The following LIPN variants were observed in gnomAD, a reference collection of about 807,000 sequenced individuals.
LIPN encodes the protein lipase member N.
Under a neutral mutation model 43.7 loss-of-function variants are expected in LIPN, and 32 were observed. The observed-to-expected ratio is 0.73, with a 90% CI of 0.55 to 0.98. The LOEUF (loss-of-function observed/expected upper bound fraction) is 0.98. Among genes scored for constraint, LIPN ranks in the 50% least tolerant of loss-of-function variants. The pLI is 0.00. For missense variants in LIPN, 505 were observed against 483.8 expected (o/e 1.04, Z -0.41); for synonymous variants, 156 against 157.6 (o/e 0.99, Z 0.08).
intron 6 of LIPN, among the ~76,000 whole-genome samples, chr10:88,769,809 A>T (rs17112704): frequency 0.062 from 9,348 of 151,972 alleles, 600 homozygotes; most frequent in East Asian, 0.26. Flanking sequence ...CTATGGTCTG[A>T]TAATAGTTTT....
intron 3 of LIPN, among the ~76,000 whole-genome samples, chr10:88,763,500 C>T (rs1299665815): frequency 1.3e-5 from 2 of 152,036 alleles, no homozygotes; most frequent in African/African-American, 2.4e-5. Flanking sequence ...ATCAGTTAAA[C>T]TTCTCATCAA....
chr10:88,765,983 G>A (rs1843088977), intron 4 of LIPN, among the ~76,000 whole-genome samples: 4 of 151,904 alleles, frequency 2.6e-5, no homozygotes, highest in Admixed American at 2.6e-4. Context: ...GGGAAAGGGA[G>A]GGCAAAGAAA....
Position 88,778,278 on chromosome 10 carries a change from C to T in LIPN, c.*36C>T. 2.7e-6 allele frequency: 4 copies of T among 1,508,638 alleles called. No homozygotes were observed. The highest frequency in any genetic ancestry group is 3.6e-6 in the Non-Finnish European group (4 of 1,105,724). 93.5% of individuals were successfully genotyped at this position (1,508,638 alleles called of 1,614,324 possible). A position where few individuals can be genotyped will look rare whatever the true frequency, so the allele number is the denominator to read the frequency against. On this transcript the variant is annotated 3_prime_UTR_variant, in exon 10 of 10. Transcript: ENST00000404459. ...TTTACTTTTCAATTAAAAGTTGCTTCCAAGCCCATAAGGGACTTTAGAAAA... is the reference window on the plus strand; with the variant it reads ...TTTACTTTTCAATTAAAAGTTGCTTTCAAGCCCATAAGGGACTTTAGAAAA...
At chr10:88,771,084 A>C in intron 7 of LIPN, 93 bp downstream of exon 7, 2 of 1,104,176 alleles carry the variant, frequency 1.8e-6, no homozygotes, top group Non-Finnish European at 2.6e-6. Flanking sequence ...GTATAAATTC[A>C]TATGGTATTC....
In LIPN at chr10:88,766,395, C is replaced by A. The variant is rs1356557672; in HGVS notation, c.535+17C>A. Reference sequence around the variant, plus strand: ...CTACAATAGGTATGTTTATGAGGGTCACTGTTAGGTGTGTTTTTGAGGGTC... The same window carrying A: ...CTACAATAGGTATGTTTATGAGGGTAACTGTTAGGTGTGTTTTTGAGGGTC... On this transcript the variant is annotated intron_variant, in intron 5 of 9. Coordinates refer to ENST00000404459, the MANE Select transcript of LIPN (RefSeq NM_001102469.2). 2 of 1,427,040 alleles carry A rather than the reference C, an allele frequency of 1.4e-6. No individual in the cohort carries two copies. Among genetic ancestry groups the A allele is most frequent in the South Asian group, 1.1e-5 (1 of 87,278 alleles). 88.4% of individuals were successfully genotyped at this position (1,427,040 alleles called of 1,614,324 possible). A position where few individuals can be genotyped will look rare whatever the true frequency, so the allele number is the denominator to read the frequency against.
chr10:88,772,364 T>C (rs1242095435), intron 7 of LIPN, among the ~76,000 whole-genome samples: 3 of 151,870 alleles, frequency 2.0e-5, no homozygotes, highest in East Asian at 1.9e-4. Context: ...GTAATGTTTG[T>C]TTTTTAGTAG....
intron 7 of LIPN, among the ~76,000 whole-genome samples, chr10:88,773,883 T>C (rs1466379799): frequency 2.6e-5 from 4 of 152,042 alleles, no homozygotes; most frequent in Admixed American, 2.6e-4. Flanking sequence ...TTCATCTCTA[T>C]AACGTTTACA....
chr10:88,775,052 T>C (rs1414624142), intron 8 of LIPN, 40 bp from the exon 9 acceptor site: 4 of 1,367,242 alleles, frequency 2.9e-6, no homozygotes, highest in Non-Finnish European at 4.1e-6. Flanking sequence ...TTCATGATTC[T>C]TACCCTAACT....
chr10:88,769,337 C>A (rs1056361182), intron 6 of LIPN, among the ~76,000 whole-genome samples: 1 of 151,800 alleles, frequency 6.6e-6, no homozygotes, highest in Non-Finnish European at 1.5e-5. Context: ...ATTAGAAAAA[C>A]CTGATTAATA....
At chr10:88,776,359 A>G (rs1047878808) in intron 9 of LIPN, among the ~76,000 whole-genome samples, 3 of 152,252 alleles carry the variant, frequency 2.0e-5, no homozygotes, top group East Asian at 1.9e-4. Context: ...TTGAATAAAC[A>G]TGCTATATTT....
At chr10:88,765,569 G>A (rs538428601) in intron 4 of LIPN, among the ~76,000 whole-genome samples, 7 of 151,922 alleles carry the variant, frequency 4.6e-5, no homozygotes, top group Admixed American at 2.6e-4. Flanking sequence ...TGGAATACTT[G>A]ATTTGACTAA....
At chr10:88,773,450 T>G (rs879286489) in intron 7 of LIPN, among the ~76,000 whole-genome samples, 4 of 151,958 alleles carry the variant, frequency 2.6e-5, no homozygotes, top group Non-Finnish European at 5.9e-5. Context: ...CATGTGTTCC[T>G]TTCTTTGTGG....
rs1444448398 is a variant in LIPN, at chr10:88,762,268, C to A, written c.189C>A (p.Asn63Lys). Residue 63 changes from asparagine to lysine, a missense_variant, in exon 3 of 10, where the codon AAC becomes AAA. Physicochemically the swap from Asn to Lys is moderately conservative, Grantham distance 94 (BLOSUM62 0). Transcript: ENST00000404459. ...TTEDGYILLV[N>K]RIPYGRTHAR... ...AAGATGGGTATATACTCCTTGTCAA[C>A]AGAATTCCTTATGGGCGAACACATG... 2 of 1,608,754 alleles carry A rather than the reference C, an allele frequency of 1.2e-6. No individual in the cohort carries two copies. Among genetic ancestry groups the A allele is most frequent in the East Asian group, 4.5e-5 (2 of 44,550 alleles).
rs2133035907 is a variant in LIPN at position 88,778,287 on chromosome 10, T to A, written c.*45T>A. The A allele has an allele frequency of 1.4e-6, 2 of 1,432,456 alleles. No individual in the cohort carries two copies. Among genetic ancestry groups the A allele is most frequent in the East Asian group, 4.9e-5 (2 of 40,688 alleles). 88.7% of individuals were successfully genotyped at this position (1,432,456 alleles called of 1,614,324 possible). ...CAATTAAAAGTTGCTTCCAAGCCCA[T>A]AAGGGACTTTAGAAAAAATAGTAAC... On this transcript the variant is annotated 3_prime_UTR_variant, in exon 10 of 10. Coordinates refer to ENST00000404459, the MANE Select transcript of LIPN (RefSeq NM_001102469.2).
At chr10:88,774,434 G>A (rs1484457020) in intron 7 of LIPN, 39 bp from the exon 8 acceptor site, 2 of 1,458,050 alleles carry the variant, frequency 1.4e-6, no homozygotes, top group Non-Finnish European at 1.9e-6. Flanking sequence ...GCAAAATTTT[G>A]TTGGGCAATT....
rs981221050 is a variant in LIPN, at chr10:88,761,463, G to A, written c.58G>A (p.Gly20Arg). 1.2e-6 allele frequency: 2 copies of A among 1,612,182 alleles called. No individual in the cohort carries two copies. Among genetic ancestry groups the A allele is most frequent in the African/African-American group, 2.7e-5 (2 of 74,770 alleles). Reference sequence around the variant, plus strand: ...GATCTGTGGAACTTTAAATGCTGGTGGATTCCTTGATTTGGAAAATGAAGT... The same window carrying A: ...GATCTGTGGAACTTTAAATGCTGGTAGATTCCTTGATTTGGAAAATGAAGT... ...CLICGTLNAGGFLDLENEVNP... is the reference protein window; with the variant it reads ...CLICGTLNAGRFLDLENEVNP... Residue 20 changes from glycine to arginine, a missense_variant, in exon 2 of 10, where the codon GGA becomes AGA. Gly to Arg is a moderately radical substitution (Grantham distance 125, BLOSUM62 -2). Coordinates refer to ENST00000404459, the MANE Select transcript of LIPN (RefSeq NM_001102469.2).
chr10:88,759,153 G>T (rs1842962576), upstream of LIPN, among the ~76,000 whole-genome samples: 1 of 152,060 alleles, frequency 6.6e-6, no homozygotes, highest in Non-Finnish European at 1.5e-5. Flanking sequence ...TGTTTAATTG[G>T]CATGAAATTT....
chr10:88,774,889 G>C (rs1056378183), intron 8 of LIPN, among the ~76,000 whole-genome samples: 2 of 151,804 alleles, frequency 1.3e-5, no homozygotes, highest in African/African-American at 4.8e-5. Context: ...GGTTTTCCAT[G>C]AACTTTTCCT....
At position 88,776,753 on chromosome 10, in the gene LIPN, T is replaced by C. The variant is rs142260056; in HGVS notation, c.964-1256T>C. ...CATGACAATTACTGGGCTCCCAGTA[T>C]CTATGTGTTGCATTAATGAAATTTC... On this transcript the variant is annotated intron_variant, in intron 9 of 9. Coordinates refer to ENST00000404459, the MANE Select transcript of LIPN (RefSeq NM_001102469.2). Among the ~76,000 whole-genome samples, 408 of 152,246 alleles carry C rather than the reference T, an allele frequency of 2.7e-3. 6 individuals carry two copies. The highest frequency in any genetic ancestry group is 9.5e-3 in the African/African-American group (395 of 41,556).
Sources: allele counts gnomAD v4.1 joint callset (sites outside exome capture counted in the v4.1 genomes callset), GRCh38; gene constraint gnomAD v4.1.1; transcripts MANE v1.5; gene names NCBI Gene and HGNC (gene_info 2026-07-23, HGNC 2026-07-21).